Variants in CAMTA1 observed in about 807,000 individuals in gnomAD.
CAMTA1 encodes the protein calmodulin binding transcription activator 1.
CAMTA1 carries 27 observed loss-of-function variants against 170.9 expected under a neutral mutation model. The ratio of observed to expected loss-of-function variants is 0.16; its 90% CI spans 0.12 to 0.22. The LOEUF is 0.22. CAMTA1 is among the 10% of genes least tolerant of loss of function. CAMTA1 has a pLI of 1.00. For synonymous variants in CAMTA1, 833 were observed against 891.5 expected (o/e 0.93, Z 1.17); for missense variants, 1,619 against 2,217.2 (o/e 0.73, Z 5.42).
chr1:7,720,350 A>G (rs2096641474), intron 11 of CAMTA1, among the ~76,000 whole-genome samples: 2 of 152,102 alleles, frequency 1.3e-5, no homozygotes, highest in South Asian at 4.1e-4. Flanking sequence ...GGAACATCTC[A>G]AAGTTAGGGG....
intron 6 of CAMTA1, among the ~76,000 whole-genome samples, chr1:7,471,519 G>A (rs1326575019): frequency 3.3e-5 from 5 of 152,242 alleles, no homozygotes; most frequent in African/African-American, 1.2e-4. Flanking sequence ...GGGGCTCTGT[G>A]TCACAGCTGA....
intron 4 of CAMTA1, among the ~76,000 whole-genome samples, chr1:7,121,783 C>T (rs1248311173): frequency 6.6e-6 from 1 of 152,108 alleles, no homozygotes; most frequent in East Asian, 1.9e-4. Flanking sequence ...GGTGCTGAGG[C>T]CTGGCTGGGG....
In CAMTA1 at chr1:6,963,716, G is replaced by C. The variant is rs534327380; in HGVS notation, c.235-127588G>C. Among the ~76,000 whole-genome samples the C allele has an allele frequency of 3.0e-3, 450 of 152,288 alleles. 1 individual carries two copies. The highest frequency in any genetic ancestry group is 0.01 in the African/African-American group (427 of 41,560). On this transcript the variant is annotated intron_variant, in intron 3 of 22. Coordinates refer to ENST00000303635, the MANE Select transcript of CAMTA1 (RefSeq NM_015215.4). ...GTGGGGCGGGCTGCTGACCTGGCTGGGGGGGCGCGCTCCCGGGGCCTGGGG... is the reference window on the plus strand; with the variant it reads ...GTGGGGCGGGCTGCTGACCTGGCTGCGGGGGCGCGCTCCCGGGGCCTGGGG...
intron 3 of CAMTA1, among the ~76,000 whole-genome samples, chr1:7,057,997 C>T (rs1192742662): frequency 6.6e-6 from 1 of 152,166 alleles, no homozygotes; most frequent in Non-Finnish European, 1.5e-5. Context: ...GAGCAAATTT[C>T]TGTTCCAGAG....
rs201851279 is a variant in CAMTA1 at position 7,768,230 on chromosome 1, T to C, written c.*1739T>C. The C allele has an allele frequency of 6.9e-6, 1 of 145,980 alleles. No individual in the cohort carries two copies. Among genetic ancestry groups the C allele is most frequent in the East Asian group, 2.0e-4 (1 of 5,058 alleles). The allele number at this position is 145,980 out of a possible 1,614,324, so 9.0% of individuals were successfully genotyped here. Reference sequence around the variant, plus strand: ...TAATAAAATTGCACAAAAAAAAAAATGAAAAAGATGCAGACTGGTCTTTTA... The same window carrying C: ...TAATAAAATTGCACAAAAAAAAAAACGAAAAAGATGCAGACTGGTCTTTTA... On this transcript the variant is annotated 3_prime_UTR_variant, in exon 23 of 23. Transcript: ENST00000303635.
chr1:7,323,014 C>G (rs931658572), intron 5 of CAMTA1, among the ~76,000 whole-genome samples: 1 of 134,024 alleles, frequency 7.5e-6, no homozygotes, highest in Non-Finnish European at 1.6e-5. Flanking sequence ...TCCCTTCCCT[C>G]CCTCCCTCCT....
intron 11 of CAMTA1, among the ~76,000 whole-genome samples, chr1:7,726,725 T>C (rs2096689767): frequency 6.6e-6 from 1 of 152,174 alleles, no homozygotes; most frequent in Non-Finnish European, 1.5e-5. Context: ...GTGCCTGTTC[T>C]GTGATGAAGC....
rs1378248300 is a variant in CAMTA1, at chr1:7,680,431, C to T, written c.2914+2698C>T. 6.6e-6 allele frequency among the ~76,000 whole-genome samples: 1 copy of T among 152,050 alleles called. No homozygotes were observed. The highest frequency in any genetic ancestry group is 1.5e-5 in the Non-Finnish European group (1 of 67,988). On this transcript the variant is annotated intron_variant, in intron 11 of 22. Coordinates refer to ENST00000303635, the MANE Select transcript of CAMTA1 (RefSeq NM_015215.4). This position sits in a 1 kb window ranked among gnomAD's most constrained non-coding sequence, Gnocchi z 4.4. ...GCGGAGCAAACTGGGGCACGGCTGC[C>T]GGCGGCGCGCGTGCACACACTCTCT...
At chr1:6,969,146 G>A (rs1003984990) in intron 3 of CAMTA1, among the ~76,000 whole-genome samples, 27 of 152,210 alleles carry the variant, frequency 1.8e-4, no homozygotes, top group African/African-American at 6.3e-4. Context: ...GGCATTTTCA[G>A]TGAGGGCTAA....
intron 6 of CAMTA1, among the ~76,000 whole-genome samples, chr1:7,529,371 A>G (rs1557869398): frequency 6.6e-6 from 1 of 151,882 alleles, no homozygotes; most frequent in Admixed American, 6.6e-5. Flanking sequence ...GGTGCATACC[A>G]TGTGGGAATC....
chr1:7,002,484 C>T (rs1301855874), intron 3 of CAMTA1, among the ~76,000 whole-genome samples: 1 of 152,170 alleles, frequency 6.6e-6, no homozygotes, highest in Non-Finnish European at 1.5e-5. Flanking sequence ...TGTTGGCCCA[C>T]CAGAATATCA....
intron 3 of CAMTA1, among the ~76,000 whole-genome samples, chr1:7,019,444 C>T (rs1044906981): frequency 2.0e-5 from 3 of 152,192 alleles, no homozygotes. Flanking sequence ...GGAGAGGAGA[C>T]ACACTGGTGA....
At chr1:6,802,659 A>G (rs1644006675) in intron 1 of CAMTA1, among the ~76,000 whole-genome samples, 1 of 152,198 alleles carries the variant, frequency 6.6e-6, no homozygotes, top group African/African-American at 2.4e-5. Flanking sequence ...GTCCTTGGTC[A>G]GCCAGCCTGG....
At chr1:7,722,628 A>T (rs767877864) in intron 11 of CAMTA1, among the ~76,000 whole-genome samples, 1 of 152,186 alleles carries the variant, frequency 6.6e-6, no homozygotes, top group Non-Finnish European at 1.5e-5. Flanking sequence ...ATACTACTAT[A>T]CTATAACCTA....
At chr1:7,440,829 G>C (rs766303385) in intron 5 of CAMTA1, among the ~76,000 whole-genome samples, 15 of 152,174 alleles carry the variant, frequency 9.9e-5, no homozygotes, top group Admixed American at 5.2e-4. Context: ...CGATGGCGAT[G>C]GTTTGATTAC....
intron 7 of CAMTA1, among the ~76,000 whole-genome samples, chr1:7,654,519 TATAC>T (rs1399938347): frequency 6.8e-6 from 1 of 146,064 alleles, no homozygotes. Context: ...CATACACTCC[TATAC>T]ACACAAACAC....
At chr1:7,145,816 G>A (rs944311944) in intron 4 of CAMTA1, among the ~76,000 whole-genome samples, 2 of 152,332 alleles carry the variant, frequency 1.3e-5, no homozygotes, top group South Asian at 2.1e-4. Flanking sequence ...ATTGCAGAGG[G>A]GAAGAGGCTG....
At chr1:7,273,776 G>A (rs184542710) in intron 5 of CAMTA1, among the ~76,000 whole-genome samples, 1 of 152,164 alleles carries the variant, frequency 6.6e-6, no homozygotes, top group East Asian at 1.9e-4. Context: ...ATAATTGATT[G>A]TCTAAAACAT....
chr1:7,344,624 CA>C (rs2084085377), intron 5 of CAMTA1, among the ~76,000 whole-genome samples: 1 of 152,150 alleles, frequency 6.6e-6, no homozygotes, highest in Non-Finnish European at 1.5e-5. Flanking sequence ...TAATTGTTGC[CA>C]GTTGAGTGAG....
Sources: gnomAD v4.1 joint callset for allele counts (sites outside exome capture counted in the v4.1 genomes callset) on GRCh38, gnomAD v4.1.1 for gene constraint, Gnocchi (gnomAD v3.1) non-coding constraint, MANE v1.5 for transcripts, NCBI Gene and HGNC (gene_info 2026-07-23, HGNC 2026-07-21) for gene names.